Variants in ERAP1 observed in about 807,000 individuals in gnomAD.
ERAP1 encodes endoplasmic reticulum aminopeptidase 1, also known as adipocyte-derived leucine aminopeptidase.
A neutral mutation model predicts 103.7 loss-of-function variants in ERAP1; 86 were observed. The ratio of observed to expected loss-of-function variants is 0.83; its 90% confidence interval spans 0.70 to 0.99. The LOEUF (loss-of-function observed/expected upper bound fraction) is 0.99. Among genes scored for constraint, ERAP1 ranks in the 50% least tolerant of loss-of-function variants. The pLI is 0.00. For missense variants in ERAP1, 1,009 were observed against 1,128.4 expected (o/e 0.89, Z 1.52); for synonymous variants, 398 against 402.4 (o/e 0.99, Z 0.13).
the ERAP1 span, chr5:96,903,477 C>A: frequency 1.9e-5 from 30 of 1,613,906 alleles, no homozygotes; most frequent in Non-Finnish European, 2.5e-5. Flanking sequence ...GGGACCAACT[C>A]ATTACACAGC....
chr5:96,857,154 G>A, the ERAP1 span, among the ~76,000 whole-genome samples: 1 of 152,146 alleles, frequency 6.6e-6, no homozygotes, highest in Admixed American at 6.5e-5. Context: ...TCTTTGCCAG[G>A]CTAACTGCTT....
the ERAP1 span, chr5:96,886,709 G>A: frequency 3.2e-6 from 5 of 1,552,098 alleles, no homozygotes; most frequent in East Asian, 1.1e-4. Flanking sequence ...TGAAACTACT[G>A]TAAAAATGAG....
the ERAP1 span, chr5:96,892,433 G>A: frequency 1.9e-6 from 3 of 1,613,976 alleles, no homozygotes; most frequent in Non-Finnish European, 2.5e-6. Context: ...CAGAGTCATA[G>A]CCCATGAACT....
At chr5:96,851,824 G>C in the ERAP1 span, among the ~76,000 whole-genome samples, 1 of 152,164 alleles carries the variant, frequency 6.6e-6, no homozygotes, top group Non-Finnish European at 1.5e-5. Flanking sequence ...GCACAGGACT[G>C]CTCTGACTGA....
the ERAP1 span, among the ~76,000 whole-genome samples, chr5:96,845,865 G>T: frequency 1.3e-5 from 2 of 152,114 alleles, no homozygotes; most frequent in African/African-American, 4.8e-5. Context: ...AAGAAGGAGA[G>T]AAATTATACA....
At chr5:96,860,511 C>T in the ERAP1 span, among the ~76,000 whole-genome samples, 1 of 152,062 alleles carries the variant, frequency 6.6e-6, no homozygotes. Flanking sequence ...TACATTCATT[C>T]AACAAAATTA....
At chr5:96,899,310 A>G in the ERAP1 span, among the ~76,000 whole-genome samples, 1 of 152,098 alleles carries the variant, frequency 6.6e-6, no homozygotes, top group Non-Finnish European at 1.5e-5. Context: ...TCTTCCCCTA[A>G]AGGTCCTAGA....
chr5:96,917,407 C>A, the ERAP1 span: 17 of 1,538,774 alleles, frequency 1.1e-5, no homozygotes, highest in African/African-American at 1.4e-5. Flanking sequence ...AGGTGTGAAC[C>A]ACCACACTCG....
intron 7 of ERAP1, among the ~76,000 whole-genome samples, chr5:96,792,669 A>G (rs1475143960): frequency 6.6e-6 from 1 of 152,224 alleles, no homozygotes; most frequent in Non-Finnish European, 1.5e-5. Context: ...ATTACTAAAG[A>G]TCATGTAGAA....
chr5:96,882,284 A>G, the ERAP1 span, among the ~76,000 whole-genome samples: 1 of 152,314 alleles, frequency 6.6e-6, no homozygotes, highest in South Asian at 2.1e-4. Flanking sequence ...CATATATCTT[A>G]GGGATACTAT....
At chr5:96,829,208 C>T in the ERAP1 span, among the ~76,000 whole-genome samples, 1 of 152,184 alleles carries the variant, frequency 6.6e-6, no homozygotes, top group African/African-American at 2.4e-5. Context: ...GTCCGAATAA[C>T]TTACACATGT....
At chr5:96,905,607 G>T in the ERAP1 span, among the ~76,000 whole-genome samples, 4 of 152,166 alleles carry the variant, frequency 2.6e-5, no homozygotes, top group African/African-American at 7.2e-5. Flanking sequence ...AAGGAGGCCC[G>T]GCACAGTGGC....
chr5:96,786,332 C>G lies in ERAP1; in HGVS notation c.1759+138G>C, dbSNP rs1192350864. 8.9e-6 allele frequency: 6 copies of G among 675,290 alleles called. No homozygotes were observed. In the Admixed American group the frequency reaches 1.4e-4, roughly 16 times the overall value. 41.8% of individuals were successfully genotyped at this position (675,290 alleles called of 1,614,324 possible). Reference sequence around the variant, plus strand: ...TCTATCTGGCAAGATATTGGCCATTCTTCTTTGAAACCAGAAAGCATTTTC... The same window carrying G: ...TCTATCTGGCAAGATATTGGCCATTGTTCTTTGAAACCAGAAAGCATTTTC... On this transcript the variant is annotated intron_variant, in intron 12 of 18. Transcript: ENST00000443439.
At chr5:96,810,349 G>T (rs557575789), upstream of ERAP1, among the ~76,000 whole-genome samples, 1 of 152,286 alleles carries the variant, frequency 6.6e-6, no homozygotes, top group South Asian at 2.1e-4. Context: ...CAGAGAGAAA[G>T]GGTACCTAGG....
the ERAP1 span, among the ~76,000 whole-genome samples, chr5:96,851,300 T>C: frequency 6.6e-6 from 1 of 152,204 alleles, no homozygotes; most frequent in Admixed American, 6.6e-5. Flanking sequence ...TGAACTTGGT[T>C]TCCTTAATCA....
intron 1 of ERAP1, among the ~76,000 whole-genome samples, chr5:96,805,321 C>T (rs1237974130): frequency 1.4e-5 from 2 of 147,674 alleles, no homozygotes; most frequent in South Asian, 2.1e-4. Flanking sequence ...TATGGTTTTA[C>T]GGATTGTTTA....
the ERAP1 span, among the ~76,000 whole-genome samples, chr5:96,864,192 G>A: frequency 6.6e-6 from 1 of 152,142 alleles, no homozygotes; most frequent in Non-Finnish European, 1.5e-5. Context: ...GCTGCTAAAT[G>A]AATAATGTTA....
chr5:96,927,403 T>C, the ERAP1 span, among the ~76,000 whole-genome samples: 1 of 152,272 alleles, frequency 6.6e-6, no homozygotes, highest in East Asian at 1.9e-4. Flanking sequence ...CCCTGATGAC[T>C]AATGACACTG....
At chr5:96,887,757 AAG>A in the ERAP1 span, among the ~76,000 whole-genome samples, 1 of 152,266 alleles carries the variant, frequency 6.6e-6, no homozygotes, top group African/African-American at 2.4e-5. Flanking sequence ...ATAAATAAAA[AAG>A]AACTTCTTAT....
Sources: allele counts gnomAD v4.1 joint callset (sites outside exome capture counted in the v4.1 genomes callset), GRCh38; gene constraint gnomAD v4.1.1; transcripts MANE v1.5; gene names NCBI Gene and HGNC (gene_info 2026-07-23, HGNC 2026-07-21).